Variants in PCDHGB1 observed in about 807,000 individuals in gnomAD.
PCDHGB1 encodes the protein protocadherin gamma subfamily B, 1.
A neutral mutation model predicts 56.6 loss-of-function variants in PCDHGB1; 34 were observed. The ratio of observed to expected loss-of-function variants is 0.60; its 90% CI spans 0.46 to 0.80. The LOEUF is 0.80. Among genes scored for constraint, PCDHGB1 ranks in the 30% least tolerant of loss-of-function variants. The pLI, the probability that PCDHGB1 is intolerant of heterozygous loss-of-function variation, is 0.00. For missense variants in PCDHGB1, 1,278 were observed against 1,204.6 expected, an observed-to-expected ratio of 1.06 and a Z score of -0.90; for synonymous variants, 561 against 505.9, an observed-to-expected ratio of 1.11 and a Z score of -1.46.
Position 141,423,157 on chromosome 5 carries a change from G to C in PCDHGB1, c.2409+70488G>C, listed in dbSNP as rs527921011. The C allele has an allele frequency of 7.4e-6, 12 of 1,610,820 alleles. No homozygotes were observed. The South Asian group carries it at 1.2e-4, about 16-fold the overall frequency. ...CAGAGACGCGCTCAAGCAGAGCCTC[G>C]TGGTGGCCGTCCAGGACCACGGCCA... On this transcript the variant is annotated intron_variant, in intron 1 of 3. Coordinates refer to ENST00000523390, the MANE Select transcript of PCDHGB1 (RefSeq NM_018922.3).
intron 1 of PCDHGB1, chr5:141,374,105 C>T: frequency 6.4e-7 from 1 of 1,572,258 alleles, no homozygotes; most frequent in Non-Finnish European, 8.6e-7. Flanking sequence ...GCAGAGGCAT[C>T]CGCAGCGCAG....
At chr5:141,375,915 C>A in intron 1 of PCDHGB1, 2 of 1,613,746 alleles carry the variant, frequency 1.2e-6, no homozygotes, top group South Asian at 2.2e-5. Flanking sequence ...CTGCTCAAGG[C>A]CAGCGAGCCA....
chr5:141,485,105 G>A lies in PCDHGB1; in HGVS notation c.2410-9702G>A. On this transcript the variant is annotated intron_variant, in intron 1 of 3. Transcript: ENST00000523390. The surrounding 1 kb of genome is among the most constrained non-coding windows in gnomAD (Gnocchi z 5.7). ...AGGGAGATAGGTGTCTCCAGCTGCT[G>A]TGGCTGTTTGGGGCGGGTCGGCTTC... 8.3e-7 allele frequency: 1 copy of A among 1,205,940 alleles called. No individual in the cohort carries two copies. Among genetic ancestry groups the A allele is most frequent in the Non-Finnish European group, 1.2e-6 (1 of 827,784 alleles). The allele number at this position is 1,205,940 out of a possible 1,614,324, so 74.7% of individuals were successfully genotyped here.
Position 141,351,023 on chromosome 5 carries a change from G to A in PCDHGB1, c.763G>A (p.Gly255Arg). The A allele has an allele frequency of 3.7e-6, 6 of 1,614,056 alleles. No homozygotes were observed. The highest frequency in any genetic ancestry group is 5.1e-6 in the Non-Finnish European group (6 of 1,179,904). The part of the protein sequence containing the change: ...RVSLQENVPW[G>R]TSVLRVMATD... ...TAGCCTCCAAGAAAACGTACCGTGG[G>A]GAACCTCCGTGCTGCGGGTGATGGC... The change falls in exon 1 of 4, where the codon GGA becomes AGA. Residue 255 changes from glycine to arginine, a missense_variant. Physicochemically the swap from Gly to Arg is moderately radical, Grantham distance 125. Transcript: ENST00000523390.
chr5:141,412,040 G>A (rs1046669003), intron 1 of PCDHGB1: 1 of 152,230 alleles, frequency 6.6e-6, no homozygotes, highest in African/African-American at 2.4e-5. Flanking sequence ...TGTGAAAGAA[G>A]TGAACTTCTA....
chr5:141,427,985 C>A (rs747784722), intron 1 of PCDHGB1: 23 of 1,597,524 alleles, frequency 1.4e-5, no homozygotes, highest in Non-Finnish European at 1.9e-5. Context: ...CGCTGGGGCC[C>A]GATGGCTCCG....
chr5:141,415,730 G>A lies in PCDHGB1; in HGVS notation c.2409+63061G>A. On this transcript the variant is annotated intron_variant, in intron 1 of 3. Transcript: ENST00000523390. Reference sequence around the variant, plus strand: ...AAAACACTGATGAGTAGAATTTGATGTTTATTAAGGTTTTTTTTTTTTTTT... The same window carrying A: ...AAAACACTGATGAGTAGAATTTGATATTTATTAAGGTTTTTTTTTTTTTTT... 4 of 476,826 alleles carry A rather than the reference G, an allele frequency of 8.4e-6. No individual in the cohort carries two copies. The South Asian group carries it at 2.0e-4, about 24-fold the overall frequency. The allele number at this position is 476,826 out of a possible 1,614,324, so 29.5% of individuals were successfully genotyped here. A position where few individuals can be genotyped will look rare whatever the true frequency, so the allele number is the denominator to read the frequency against.
intron 1 of PCDHGB1, chr5:141,374,502 T>C (rs1588742531): frequency 6.2e-7 from 1 of 1,611,402 alleles, no homozygotes; most frequent in East Asian, 2.2e-5. Flanking sequence ...GAATTGGAAG[T>C]GAAAATTCTC....
At chr5:141,480,948 G>C (rs1288557779) in intron 1 of PCDHGB1, among the ~76,000 whole-genome samples, 1 of 152,138 alleles carries the variant, frequency 6.6e-6, no homozygotes, top group Non-Finnish European at 1.5e-5. Context: ...TAGAGGCTGA[G>C]GCGGAAGCAT....
chr5:141,371,328 A>G, intron 1 of PCDHGB1: 1 of 1,614,010 alleles, frequency 6.2e-7, no homozygotes, highest in Non-Finnish European at 8.5e-7. Flanking sequence ...CTTTGAAGAG[A>G]GAGATAGCTA....
In PCDHGB1 at chr5:141,382,679, C is replaced by T. The variant is rs184405216; in HGVS notation, c.2409+30010C>T. On this transcript the variant is annotated intron_variant, in intron 1 of 3. Transcript: ENST00000523390. ...ACTCACAGCGCCGCTGTTCACCAAC[C>T]AGGGAAAAATGGTGCGAGAGATCCC... 912 of 439,966 alleles carry T rather than the reference C, an allele frequency of 2.1e-3. 11 individuals carry two copies. Among genetic ancestry groups the T allele is most frequent in the Non-Finnish European group, 1.1e-3 (277 of 250,538 alleles). 27.3% of individuals were successfully genotyped at this position (439,966 alleles called of 1,614,324 possible). A position where few individuals can be genotyped will look rare whatever the true frequency, so the allele number is the denominator to read the frequency against.
At chr5:141,409,436 C>G (rs368696166) in intron 1 of PCDHGB1, 2 of 1,613,982 alleles carry the variant, frequency 1.2e-6, no homozygotes, top group Non-Finnish European at 1.7e-6. Flanking sequence ...AGCCCTGGAC[C>G]GAGAGCAGAC....
chr5:141,489,867 G>C lies in PCDHGB1; in HGVS notation c.2410-4940G>C. ...ATCGTGAAGCCCAGGCAAGACATCA[G>C]CTGGTGCTTACTGCTGTGGATGGGG... On this transcript the variant is annotated intron_variant, in intron 1 of 3. Transcript: ENST00000523390. This position sits in a 1 kb window ranked among gnomAD's most constrained non-coding sequence, Gnocchi z 4.5. 1 of 1,614,240 alleles carries C rather than the reference G, an allele frequency of 6.2e-7. No individual in the cohort carries two copies. Among genetic ancestry groups the C allele is most frequent in the Non-Finnish European group, 8.5e-7 (1 of 1,180,034 alleles).
chr5:141,496,287 C>T (rs768553690), intron 2 of PCDHGB1, among the ~76,000 whole-genome samples: 3 of 152,200 alleles, frequency 2.0e-5, no homozygotes, highest in Non-Finnish European at 4.4e-5. Flanking sequence ...TTGGTCTGAG[C>T]AGAGTGGGAT....
chr5:141,391,071 T>C (rs905482954), intron 1 of PCDHGB1: 2 of 152,220 alleles, frequency 1.3e-5, no homozygotes, highest in African/African-American at 4.8e-5. Context: ...CCCTAATATA[T>C]AATGTGTAAC....
chr5:141,360,944 A>T, intron 1 of PCDHGB1: 1 of 1,613,990 alleles, frequency 6.2e-7, no homozygotes, highest in East Asian at 2.2e-5. Flanking sequence ...ACCGACCGGG[A>T]TGAAGGCATA....
At chr5:141,372,757 T>A (rs1435453699) in intron 1 of PCDHGB1, 1 of 1,613,122 alleles carries the variant, frequency 6.2e-7, no homozygotes, top group Non-Finnish European at 8.5e-7. Context: ...GCCTCTTGGT[T>A]TGAAAGTAAT....
At chr5:141,488,134 A>G (rs546928916) in intron 1 of PCDHGB1, among the ~76,000 whole-genome samples, 1 of 152,332 alleles carries the variant, frequency 6.6e-6, no homozygotes, top group African/African-American at 2.4e-5. Flanking sequence ...GAAAGAGGAG[A>G]GAACTAAAGG....
At chr5:141,410,693 A>C in intron 1 of PCDHGB1, 1 of 1,496,902 alleles carries the variant, frequency 6.7e-7, no homozygotes, top group Non-Finnish European at 8.9e-7. Flanking sequence ...ATACTACTTT[A>C]TTTTCATATC....
Sources: gnomAD v4.1 joint callset for allele counts (sites outside exome capture counted in the v4.1 genomes callset) on GRCh38, gnomAD v4.1.1 for gene constraint, Gnocchi (gnomAD v3.1) non-coding constraint, MANE v1.5 for transcripts, NCBI Gene and HGNC (gene_info 2026-07-23, HGNC 2026-07-21) for gene names.